ABCA4: variants seen among roughly 807,000 people sequenced by gnomAD.
ABCA4 encodes ATP binding cassette subfamily A member 4, also known as retinal-specific phospholipid-transporting ATPase ABCA4.
A neutral mutation model predicts 263.7 loss-of-function variants in ABCA4; 196 were observed. The ratio of observed to expected loss-of-function variants is 0.74; its 90% CI spans 0.66 to 0.84. The LOEUF (loss-of-function observed/expected upper bound fraction) is 0.84. Among genes scored for constraint, ABCA4 ranks in the 40% least tolerant of loss-of-function variants. The probability of loss-of-function intolerance (pLI) is 0.00; values close to 1 mark genes in which losing one functional copy is unlikely to be tolerated. For missense variants in ABCA4, 2,792 were observed against 2,855.1 expected, an observed-to-expected ratio of 0.98 and a Z score of 0.50; for synonymous variants, 1,133 against 1,094.2, an observed-to-expected ratio of 1.04 and a Z score of -0.70.
intron 30 of ABCA4, among the ~76,000 whole-genome samples, chr1:94,028,876 C>A (rs1025299997): frequency 2.4e-5 from 3 of 122,854 alleles, no homozygotes; most frequent in Non-Finnish European, 4.8e-5. Flanking sequence ...CGCTGCACTC[C>A]AACCTGGGTG....
intron 4 of ABCA4, among the ~76,000 whole-genome samples, chr1:94,106,473 CTGTT>C: frequency 6.6e-6 from 1 of 152,242 alleles, no homozygotes; most frequent in South Asian, 2.1e-4. Context: ...ACGTCTGCAT[CTGTT>C]TGTTTAAATT....
At chr1:94,057,949 A>G (rs1429416395) in intron 14 of ABCA4, among the ~76,000 whole-genome samples, 2 of 152,172 alleles carry the variant, frequency 1.3e-5, no homozygotes, top group Non-Finnish European at 2.9e-5. Flanking sequence ...ATGAGTTCTG[A>G]TCAGTTGGCA....
intron 5 of ABCA4, 98 bp from the exon 6 acceptor site, chr1:94,099,089 G>A (rs1023556495): frequency 4.3e-5 from 56 of 1,300,132 alleles, no homozygotes; most frequent in African/African-American, 1.0e-4. Context: ...GTTACATGGC[G>A]ACAGGAATTA....
intron 14 of ABCA4, among the ~76,000 whole-genome samples, chr1:94,059,084 C>T (rs1473343572): frequency 6.6e-6 from 1 of 152,222 alleles, no homozygotes; most frequent in African/African-American, 2.4e-5. Flanking sequence ...GCTTTGAAGA[C>T]CTAATGGCCC....
intron 11 of ABCA4, among the ~76,000 whole-genome samples, chr1:94,069,491 C>T (rs1661352924): frequency 6.6e-6 from 1 of 152,086 alleles, no homozygotes; most frequent in South Asian, 2.1e-4. Context: ...CTGTATAATC[C>T]CGCCTCTCAC....
At chr1:94,014,451 A>G (rs908639993) in intron 38 of ABCA4, 92 bp downstream of exon 38, 18 of 1,439,370 alleles carry the variant, frequency 1.3e-5, no homozygotes, top group Non-Finnish European at 1.6e-5. Context: ...TACAGCTGCT[A>G]CATGTACGAT....
rs760812595 is a variant in ABCA4, at chr1:94,010,729, C to T, written c.5714+71G>A. ...GTGGGGCTCCTGAGGAAAGAAATGA[C>T]CATGTGGGTATAAGGTCCAGTTCTG... On this transcript the variant is annotated intron_variant, in intron 40 of 49. Coordinates refer to ENST00000370225, the MANE Select transcript of ABCA4 (RefSeq NM_000350.3). 1.9e-6 allele frequency: 3 copies of T among 1,608,852 alleles called. No individual in the cohort carries two copies. The Admixed American group carries it at 5.0e-5, about 27-fold the overall frequency.
chr1:94,010,729 C>A (rs760812595), intron 40 of ABCA4, 71 bp downstream of exon 40: 27 of 1,608,852 alleles, frequency 1.7e-5, no homozygotes, highest in Non-Finnish European at 2.1e-5. Context: ...AAAGAAATGA[C>A]CATGTGGGTA....
intron 11 of ABCA4, among the ~76,000 whole-genome samples, chr1:94,074,033 C>T (rs1661473601): frequency 1.3e-5 from 2 of 152,160 alleles, no homozygotes; most frequent in South Asian, 4.1e-4. Context: ...AATTGAGTAA[C>T]TAACTGTACA....
chr1:94,021,380 G>A lies in ABCA4; in HGVS notation c.4878C>T (p.Ala1626=), dbSNP rs1659892219. The A allele has an allele frequency of 1.2e-6, 2 of 1,614,208 alleles. No homozygotes were observed. The highest frequency in any genetic ancestry group is 1.7e-6 in the Non-Finnish European group (2 of 1,180,036). ...GGGCCACATTGAGAAAGCTGACCAG[G>A]GCATGCCAGCCTTTGTTATTAAACC... is the stretch of plus-strand genomic sequence containing the variant. ...KVWFNNKGWH[A]LVSFLNVAHN... The change falls in exon 35 of 50, where the codon GCC becomes GCT. Residue 1626 remains alanine (A), a synonymous_variant. Coordinates refer to ENST00000370225, the MANE Select transcript of ABCA4 (RefSeq NM_000350.3).
At chr1:94,078,748 G>T in intron 9 of ABCA4, 42 bp from the exon 10 acceptor site, 1 of 1,398,058 alleles carries the variant, frequency 7.2e-7, no homozygotes, top group Non-Finnish European at 1.0e-6. Context: ...CGAACAGAGA[G>T]AAAAGTGAGA....
At chr1:94,011,448 G>C (rs1444250777) in intron 38 of ABCA4, 63 bp from the exon 39 acceptor site, 1 of 1,610,134 alleles carries the variant, frequency 6.2e-7, no homozygotes, top group Non-Finnish European at 8.5e-7. Context: ...TCTTCAGCAG[G>C]TGGGGCCCAG....
chr1:94,000,655 G>A (rs1469151230), intron 47 of ABCA4, among the ~76,000 whole-genome samples, 181 bp downstream of exon 47: 1 of 152,126 alleles, frequency 6.6e-6, no homozygotes, highest in African/African-American at 2.4e-5. Context: ...CCAATATAGA[G>A]GAGTTTCTTA....
At chr1:94,062,521 C>G (rs560159280) in intron 13 of ABCA4, 56 bp downstream of exon 13, 1 of 1,588,636 alleles carries the variant, frequency 6.3e-7, no homozygotes. Context: ...CACCCCAGCC[C>G]ACTCCAGCAC....
chr1:94,093,204 A>G (rs1662023682), intron 6 of ABCA4, among the ~76,000 whole-genome samples: 1 of 152,174 alleles, frequency 6.6e-6, no homozygotes, highest in African/African-American at 2.4e-5. Flanking sequence ...ATCGGTGTAT[A>G]TTGAGACCGC....
intron 44 of ABCA4, among the ~76,000 whole-genome samples, chr1:94,003,011 T>C (rs1169124266): frequency 6.6e-6 from 1 of 152,194 alleles, no homozygotes. Flanking sequence ...ACACAATTTT[T>C]TGTGACCCAT....
In ABCA4 at chr1:94,082,230, C is replaced by A. The variant is rs554487397; in HGVS notation, c.858+1122G>T. On this transcript the variant is annotated intron_variant, in intron 7 of 49. Transcript: ENST00000370225. ...TATTATGTTGCTCATTTAGTCAAAG[C>A]ACTCAGAGATGAAGGGGCTGTTCTC... is the stretch of plus-strand genomic sequence containing the variant. Among the ~76,000 whole-genome samples the A allele has an allele frequency of 2.0e-5, 3 of 152,332 alleles. No individual in the cohort carries two copies. In the South Asian group the frequency reaches 6.2e-4, roughly 32 times the overall value.
At chr1:94,105,480 G>T (rs1202081340) in intron 4 of ABCA4, among the ~76,000 whole-genome samples, 1 of 152,182 alleles carries the variant, frequency 6.6e-6, no homozygotes, top group Non-Finnish European at 1.5e-5. Flanking sequence ...CCCAGGTGAA[G>T]AGGAGGCCGA....
chr1:94,099,892 T>G (rs963140396), intron 5 of ABCA4, among the ~76,000 whole-genome samples: 7 of 152,160 alleles, frequency 4.6e-5, no homozygotes, highest in African/African-American at 1.7e-4. Context: ...ACAACCCTCG[T>G]GATGGCCTCT....
Sources: gnomAD v4.1 joint callset for allele counts (sites outside exome capture counted in the v4.1 genomes callset) on GRCh38, gnomAD v4.1.1 for gene constraint, MANE v1.5 for transcripts, NCBI Gene and HGNC (gene_info 2026-07-23, HGNC 2026-07-21) for gene names.